The following SPAG6 variants were observed in gnomAD, a reference collection of about 807,000 sequenced individuals.
SPAG6 encodes the protein sperm-associated antigen 6.
In SPAG6, 49 loss-of-function variants were observed where a neutral mutation model predicts 58.5. The ratio of observed to expected loss-of-function variants is 0.84; its 90% confidence interval spans 0.67 to 1.06. SPAG6 has a LOEUF of 1.06. SPAG6 is among the 50% of genes least tolerant of loss of function. The pLI is 0.00. For missense variants in SPAG6, 560 were observed against 611.3 expected (o/e 0.92, Z 0.89); for synonymous variants, 233 against 225.6 (o/e 1.03, Z -0.29).
intron 4 of SPAG6, among the ~76,000 whole-genome samples, chr10:22,379,059 AAGAT>A (rs1205343999): frequency 1.3e-5 from 2 of 152,234 alleles, no homozygotes; most frequent in African/African-American, 2.4e-5. Context: ...GGAGGCAAGA[AAGAT>A]AGAAATGATG....
rs965940659 is a variant in SPAG6 at position 22,345,529 on chromosome 10, G to A, written c.-83G>A. The A allele has an allele frequency of 1.6e-6, 2 of 1,236,366 alleles. No homozygotes were observed. The highest frequency in any genetic ancestry group is 2.2e-6 in the Non-Finnish European group (2 of 902,044). 76.6% of individuals were successfully genotyped at this position (1,236,366 alleles called of 1,614,324 possible). A position where few individuals can be genotyped will look rare whatever the true frequency, so the allele number is the denominator to read the frequency against. On this transcript the variant is annotated 5_prime_UTR_variant, in exon 1 of 11. Transcript: ENST00000376624. The surrounding 1 kb of genome is among the most constrained non-coding windows in gnomAD (Gnocchi z 6.3). ...GGCTCCCGTCGGAGGCCGAGTCGTC[G>A]CCACGATCGCCCCCTTGGTGGACTC... is the stretch of plus-strand genomic sequence containing the variant.
At chr10:22,400,640 G>A (rs1834390849) in intron 8 of SPAG6, among the ~76,000 whole-genome samples, 1 of 151,814 alleles carries the variant, frequency 6.6e-6, no homozygotes, top group Admixed American at 6.6e-5. Context: ...GTCTACCTAC[G>A]AGCTATAGCA....
chr10:22,388,283 A>G (rs914908329), intron 6 of SPAG6, among the ~76,000 whole-genome samples: 1 of 152,010 alleles, frequency 6.6e-6, no homozygotes, highest in Non-Finnish European at 1.5e-5. Context: ...ATACTTTGCC[A>G]TGTGTTCCTC....
At chr10:22,407,382 C>A (rs1185593369) in intron 9 of SPAG6, among the ~76,000 whole-genome samples, 2 of 150,768 alleles carry the variant, frequency 1.3e-5, no homozygotes, top group Non-Finnish European at 3.0e-5. Context: ...TATTTTATTT[C>A]TCCTTCACTT....
intron 2 of SPAG6, among the ~76,000 whole-genome samples, chr10:22,355,635 T>A (rs145303346): frequency 4.3e-4 from 65 of 152,362 alleles, no homozygotes; most frequent in Middle Eastern, 3.4e-3. Flanking sequence ...ATTACAAGAC[T>A]TTTTGTGTGT....
In SPAG6 at chr10:22,411,055, C is replaced by T. The variant is rs1396531834; in HGVS notation, c.1339C>T (p.Arg447Ter). The T allele has an allele frequency of 4.3e-6, 7 of 1,613,950 alleles. No homozygotes were observed. Among genetic ancestry groups the T allele is most frequent in the African/African-American group, 1.3e-5 (1 of 75,030 alleles). ...GGTGCTGCCGCATGATAGCAAAGCT[C>T]GACGACTTTTTGTAACAAGTGGTGG... ...SKVLPHDSKA[R>*]RLFVTSGGLK... is the part of the protein sequence containing the mutation. The change falls in exon 10 of 11, where the codon CGA (arginine) becomes TGA (stop). Residue 447 changes from arginine (R) to a stop codon, truncating the protein, a stop_gained. Transcript: ENST00000376624. LOFTEE classifies it high-confidence loss of function.
At chr10:22,384,694 C>G (rs920359091) in intron 4 of SPAG6, among the ~76,000 whole-genome samples, 1 of 152,112 alleles carries the variant, frequency 6.6e-6, no homozygotes, top group Non-Finnish European at 1.5e-5. Flanking sequence ...AGCTTCATGG[C>G]AAATCTTTTT....
intron 5 of SPAG6, 48 bp downstream of exon 5, chr10:22,387,007 A>C: frequency 7.0e-7 from 1 of 1,424,918 alleles, no homozygotes; most frequent in Admixed American, 1.7e-5. Flanking sequence ...TTATAATGTA[A>C]GAAAATGGAA....
chr10:22,350,445 T>TA (rs1328393492), intron 2 of SPAG6, among the ~76,000 whole-genome samples: 2 of 151,792 alleles, frequency 1.3e-5, no homozygotes, highest in Non-Finnish European at 2.9e-5. Context: ...AATGGACAAT[T>TA]AAAAAAAACT....
At chr10:22,353,503 G>A (rs905759619) in intron 2 of SPAG6, among the ~76,000 whole-genome samples, 2 of 152,176 alleles carry the variant, frequency 1.3e-5, no homozygotes, top group African/African-American at 4.8e-5. Context: ...GCACGTACCT[G>A]ACTTCTTGTA....
At chr10:22,372,234 T>C (rs1407919936) in intron 4 of SPAG6, among the ~76,000 whole-genome samples, 1 of 152,214 alleles carries the variant, frequency 6.6e-6, no homozygotes, top group Non-Finnish European at 1.5e-5. Flanking sequence ...GCCCGCTTTA[T>C]AAATTAAACT....
At chr10:22,370,445 A>G (rs1177967185) in intron 4 of SPAG6, among the ~76,000 whole-genome samples, 1 of 152,208 alleles carries the variant, frequency 6.6e-6, no homozygotes, top group Non-Finnish European at 1.5e-5. Context: ...TTAATGGTGG[A>G]ACTGGAATTT....
At chr10:22,381,999 A>T (rs928479958) in intron 4 of SPAG6, among the ~76,000 whole-genome samples, 3 of 152,230 alleles carry the variant, frequency 2.0e-5, no homozygotes, top group Non-Finnish European at 2.9e-5. Flanking sequence ...GAAAAAACCA[A>T]ACAAACCAAA....
intron 3 of SPAG6, among the ~76,000 whole-genome samples, chr10:22,365,686 G>A (rs969209020): frequency 6.6e-6 from 1 of 152,082 alleles, no homozygotes; most frequent in Non-Finnish European, 1.5e-5. Flanking sequence ...GAGCTTTCTT[G>A]ACATATCTTT....
At chr10:22,408,754 T>A (rs1012877449) in intron 9 of SPAG6, among the ~76,000 whole-genome samples, 1 of 152,242 alleles carries the variant, frequency 6.6e-6, no homozygotes, top group Admixed American at 6.5e-5. Flanking sequence ...GCCTTTCAGT[T>A]TGATCTCAGA....
At chr10:22,403,863 A>T (rs929562508) in intron 9 of SPAG6, among the ~76,000 whole-genome samples, 9 of 149,832 alleles carry the variant, frequency 6.0e-5, no homozygotes, top group Admixed American at 1.3e-4. Context: ...TGTGGTTTTG[A>T]TTTGCATTTC....
chr10:22,360,820 C>T (rs1414141473), intron 2 of SPAG6: 5 of 1,534,070 alleles, frequency 3.3e-6, no homozygotes, highest in Non-Finnish European at 4.4e-6. Flanking sequence ...CTCTAAATTT[C>T]CATGCATTCA....
At chr10:22,412,393 A>G (rs1480394160) in intron 10 of SPAG6, 1 of 989,780 alleles carries the variant, frequency 1.0e-6, no homozygotes, top group African/African-American at 1.6e-5. Flanking sequence ...TTAAAAGCAC[A>G]AAAGCAATTT....
intron 10 of SPAG6, among the ~76,000 whole-genome samples, chr10:22,412,289 C>T (rs1834759850): frequency 6.6e-6 from 1 of 152,210 alleles, no homozygotes; most frequent in African/African-American, 2.4e-5. Context: ...TTAAAACTTA[C>T]ATGCTGTAAC....
Sources: gnomAD v4.1 joint callset for allele counts (sites outside exome capture counted in the v4.1 genomes callset) on GRCh38, gnomAD v4.1.1 for gene constraint, Gnocchi (gnomAD v3.1) non-coding constraint, MANE v1.5 for transcripts, NCBI Gene and HGNC (gene_info 2026-07-23, HGNC 2026-07-21) for gene names.